Variants in CPNE4 observed in about 807,000 individuals in gnomAD.
CPNE4 encodes copine-4.
A neutral mutation model predicts 67.9 loss-of-function variants in CPNE4; 25 were observed. The ratio of observed to expected loss-of-function variants is 0.37; its 90% CI spans 0.27 to 0.51. The LOEUF is 0.51. Ranked by LOEUF, CPNE4 falls within the 20% of genes least tolerant of loss-of-function variation. The pLI is 0.93. For missense variants in CPNE4, 464 were observed against 690.8 expected (o/e 0.67, Z 3.68); for synonymous variants, 242 against 244.9 (o/e 0.99, Z 0.11).
chr3:131,546,617 G>T (rs932809937), intron 14 of CPNE4, among the ~76,000 whole-genome samples: 3 of 152,134 alleles, frequency 2.0e-5, no homozygotes, highest in African/African-American at 7.2e-5. Flanking sequence ...CTTCTTACTT[G>T]TAGTCCCATT....
intron 1 of CPNE4, among the ~76,000 whole-genome samples, chr3:131,928,270 A>G (rs951306853): frequency 1.3e-5 from 2 of 152,054 alleles, no homozygotes; most frequent in Non-Finnish European, 2.9e-5. Context: ...TACCATATCC[A>G]TGAATTACAG....
intron 2 of CPNE4, among the ~76,000 whole-genome samples, chr3:131,899,343 T>C (rs2088463135): frequency 6.6e-6 from 1 of 152,088 alleles, no homozygotes; most frequent in African/African-American, 2.4e-5. Flanking sequence ...GACCCCACAT[T>C]GCCAGATTTT....
Position 131,699,892 on chromosome 3 carries a change from A to C in CPNE4, c.432+17T>G, listed in dbSNP as rs756469989. On this transcript the variant is annotated intron_variant, in intron 4 of 15. Transcript: ENST00000429747. ...TCTCCACTCAGGCAGACAGCTGCTT[A>C]GGGAGTGCCTGCTTACCGTGATGGA... 1 of 1,609,740 alleles carries C rather than the reference A, an allele frequency of 6.2e-7. No homozygotes were observed. The highest frequency in any genetic ancestry group is 8.5e-7 in the Non-Finnish European group (1 of 1,176,752).
intron 5 of CPNE4, among the ~76,000 whole-genome samples, chr3:131,694,446 AG>A (rs1428046917): frequency 6.6e-5 from 10 of 152,178 alleles, no homozygotes; most frequent in Non-Finnish European, 1.3e-4. Flanking sequence ...GACCACCACA[AG>A]TTCATAGTCC....
intron 1 of CPNE4, among the ~76,000 whole-genome samples, chr3:131,978,541 A>AAT (rs34062654): frequency 0.05 from 3,519 of 70,836 alleles, 109 homozygotes; most frequent in East Asian, 0.073. Context: ...AATATATATA[A>AAT]ATATATATAT....
chr3:131,976,799 CTT>C (rs554656660), intron 1 of CPNE4, among the ~76,000 whole-genome samples: 8 of 146,276 alleles, frequency 5.5e-5, no homozygotes, highest in Middle Eastern at 3.5e-3. Flanking sequence ...CATTATCATT[CTT>C]TTTTTTTTTT....
chr3:131,715,923 A>G (rs896314729), intron 3 of CPNE4, among the ~76,000 whole-genome samples: 1 of 152,164 alleles, frequency 6.6e-6, no homozygotes, highest in African/African-American at 2.4e-5. Flanking sequence ...AATCTAAGGA[A>G]GGTCTCAAAA....
At chr3:131,756,311 T>C (rs2082749420) in intron 2 of CPNE4, among the ~76,000 whole-genome samples, 2 of 152,308 alleles carry the variant, frequency 1.3e-5, no homozygotes, top group African/African-American at 4.8e-5. Flanking sequence ...GCATTTGTTA[T>C]TGTTAGCTCA....
At chr3:131,850,225 A>G (rs114275160) in intron 2 of CPNE4, among the ~76,000 whole-genome samples, 270 of 152,192 alleles carry the variant, frequency 1.8e-3, no homozygotes, top group African/African-American at 6.2e-3. Context: ...TTCTCTTTCT[A>G]AAAAATGCTC....
chr3:132,027,697 C>CTTTTCCA (rs60144619), intron 1 of CPNE4, among the ~76,000 whole-genome samples: 103,318 of 151,496 alleles, frequency 0.68, 36,036 homozygotes, highest in Middle Eastern at 0.75. Context: ...AACTCCTTGA[C>CTTTTCCA]TTTTGCCACT....
At chr3:131,790,579 GCCC>G (rs1407171386) in intron 2 of CPNE4, among the ~76,000 whole-genome samples, 1 of 152,112 alleles carries the variant, frequency 6.6e-6, no homozygotes, top group Non-Finnish European at 1.5e-5. Context: ...TAGAAATCCT[GCCC>G]TTCTTTTCTT....
chr3:131,964,808 T>C (rs559216342), intron 1 of CPNE4, among the ~76,000 whole-genome samples: 81 of 152,268 alleles, frequency 5.3e-4, no homozygotes, highest in African/African-American at 1.7e-3. Context: ...CTTCAGGATA[T>C]TGTCTAGGAG....
chr3:131,698,365 T>C (rs1433751340), intron 4 of CPNE4, among the ~76,000 whole-genome samples: 2 of 151,360 alleles, frequency 1.3e-5, no homozygotes, highest in Admixed American at 6.6e-5. Context: ...GAAAGAACCA[T>C]AGCAAATTCA....
intron 2 of CPNE4, among the ~76,000 whole-genome samples, chr3:131,786,974 C>T (rs182954246): frequency 2.6e-4 from 39 of 152,300 alleles, no homozygotes; most frequent in Middle Eastern, 6.8e-3. Context: ...GACTGCCAGA[C>T]GGTTTCCTGC....
At chr3:132,001,609 A>AAGAAAGAG (rs1376003110) in intron 1 of CPNE4, among the ~76,000 whole-genome samples, 1 of 147,524 alleles carries the variant, frequency 6.8e-6, no homozygotes, top group Non-Finnish European at 1.5e-5. Context: ...GAAAGAAAGA[A>AAGAAAGAG]AGAAAGAAAA....
chr3:131,666,344 G>A (rs985870591), intron 7 of CPNE4, among the ~76,000 whole-genome samples: 3 of 151,854 alleles, frequency 2.0e-5, no homozygotes, highest in African/African-American at 7.3e-5. Flanking sequence ...TGGGCTATAG[G>A]TCCACAGAGA....
chr3:131,733,825 G>A (rs1032927515), intron 2 of CPNE4, among the ~76,000 whole-genome samples: 15 of 152,270 alleles, frequency 9.9e-5, no homozygotes, highest in South Asian at 4.2e-4. Flanking sequence ...GAGGTCACCC[G>A]AGGATGGAGA....
chr3:131,879,235 T>C (rs2087574645), intron 2 of CPNE4, among the ~76,000 whole-genome samples: 1 of 152,134 alleles, frequency 6.6e-6, no homozygotes, highest in Admixed American at 6.5e-5. Flanking sequence ...TTAAAGTGAA[T>C]GAAATGAGCA....
chr3:131,717,571 C>G (rs2081731997), intron 3 of CPNE4, among the ~76,000 whole-genome samples: 1 of 152,162 alleles, frequency 6.6e-6, no homozygotes, highest in African/African-American at 2.4e-5. Flanking sequence ...TTCCTCACCC[C>G]CATCCTGGGC....
Sources: gnomAD v4.1 joint callset for allele counts (sites outside exome capture counted in the v4.1 genomes callset) on GRCh38, gnomAD v4.1.1 for gene constraint, MANE v1.5 for transcripts, NCBI Gene and HGNC (gene_info 2026-07-23, HGNC 2026-07-21) for gene names.